NFASC: variants seen among roughly 807,000 people sequenced by gnomAD.
The protein encoded by NFASC is neurofascin homolog.
NFASC carries 43 observed loss-of-function variants against 147.5 expected under a neutral mutation model. The observed-to-expected ratio is 0.29, with a 90% CI of 0.23 to 0.38. The LOEUF is 0.38. Ranked by LOEUF, NFASC falls within the 10% of genes least tolerant of loss-of-function variation. The pLI is 1.00. For missense variants in NFASC, 1,320 were observed against 1,689.0 expected (o/e 0.78, Z 3.83); for synonymous variants, 622 against 665.5 (o/e 0.93, Z 1.01).
chr1:204,938,885 A>G (rs1009242863), intron 2 of NFASC, among the ~76,000 whole-genome samples: 3 of 152,086 alleles, frequency 2.0e-5, no homozygotes, highest in African/African-American at 7.2e-5. Context: ...TGTCCAGGTG[A>G]CTCTGAAAAG....
intron 13 of NFASC, 164 bp from the exon 14 acceptor site, chr1:204,974,493 G>A: frequency 1.1e-6 from 1 of 923,654 alleles, no homozygotes; most frequent in South Asian, 1.4e-5. Context: ...AGGCTTGCCA[G>A]GGCCACCTGG....
chr1:204,832,942 C>T (rs1035039744), intron 1 of NFASC, among the ~76,000 whole-genome samples: 26 of 152,150 alleles, frequency 1.7e-4, no homozygotes, highest in African/African-American at 6.0e-4. Context: ...AGCTAAGGCC[C>T]AGGTCTAGCT....
In NFASC at chr1:204,973,401, G is replaced by T; in HGVS notation, c.1261G>T (p.Ala421Ser). ...SNEHGYLLANAFVSVLDVPPR... is the reference protein window; with the variant it reads ...SNEHGYLLANSFVSVLDVPPR... ...CGAGCATGGCTACCTGCTGGCCAAC[G>T]CCTTTGTCAGTGTGCTGGGTGAGTG... The change falls in exon 12 of 30, where the codon GCC (alanine) becomes TCC (serine). Residue 421 changes from alanine to serine, a missense_variant. Ala to Ser is a moderately conservative substitution (Grantham distance 99). This residue lies in a region of NFASC where 981 missense variants were observed against 1,289.5 expected (regional missense o/e 0.76). Coordinates refer to ENST00000339876, the MANE Select transcript of NFASC (RefSeq NM_001005388.3). The T allele has an allele frequency of 1.2e-6, 2 of 1,614,236 alleles. No individual in the cohort carries two copies. The highest frequency in any genetic ancestry group is 1.7e-6 in the Non-Finnish European group (2 of 1,180,046).
chr1:205,016,179 G>T lies in NFASC; in HGVS notation c.3492-129G>T. On this transcript the variant is annotated intron_variant, in intron 29 of 29. Coordinates refer to ENST00000339876, the MANE Select transcript of NFASC (RefSeq NM_001005388.3). The surrounding 1 kb of genome is among the most constrained non-coding windows in gnomAD (Gnocchi z 5.1). ...CTGCAAAGCAGGCTGGACAGGGGAGGGTGAAGCGGGGGCTGGACTGGGCGG... is the reference window on the plus strand; with the variant it reads ...CTGCAAAGCAGGCTGGACAGGGGAGTGTGAAGCGGGGGCTGGACTGGGCGG... 2 of 702,620 alleles carry T rather than the reference G, an allele frequency of 2.8e-6. No individual in the cohort carries two copies. The highest frequency in any genetic ancestry group is 1.6e-5 in the South Asian group (1 of 61,632). The allele number at this position is 702,620 out of a possible 1,614,324, so 43.5% of individuals were successfully genotyped here.
intron 1 of NFASC, among the ~76,000 whole-genome samples, chr1:204,886,851 T>C (rs2081395684): frequency 6.6e-6 from 1 of 152,170 alleles, no homozygotes; most frequent in Non-Finnish European, 1.5e-5. Context: ...TGACTGTAGG[T>C]TCTTACCATT....
chr1:204,912,186 A>G (rs1318822516), intron 1 of NFASC, among the ~76,000 whole-genome samples: 1 of 150,870 alleles, frequency 6.6e-6, no homozygotes, highest in Non-Finnish European at 1.5e-5. Flanking sequence ...TTGGGGTGGG[A>G]GGCTGGCTCT....
intron 1 of NFASC, among the ~76,000 whole-genome samples, chr1:204,845,348 C>G (rs1343245709): frequency 6.6e-6 from 1 of 151,310 alleles, no homozygotes; most frequent in East Asian, 1.9e-4. Context: ...ATCCCAGCTA[C>G]TTGGGAGGCT....
intron 21 of NFASC, 98 bp downstream of exon 21, chr1:204,982,118 G>A: frequency 1.4e-6 from 1 of 722,334 alleles, no homozygotes; most frequent in Non-Finnish European, 2.2e-6. Flanking sequence ...GGTATGGGAG[G>A]ACAGCCAGTT....
At chr1:205,000,924 C>T in intron 25 of NFASC, 1 of 552,784 alleles carries the variant, frequency 1.8e-6, no homozygotes, top group South Asian at 2.0e-5. Context: ...GTCCTCCCGA[C>T]TGTACCTGCT....
chr1:204,985,470 C>A (rs542360422), intron 21 of NFASC, among the ~76,000 whole-genome samples: 1 of 152,374 alleles, frequency 6.6e-6, no homozygotes, highest in Non-Finnish European at 1.5e-5. Flanking sequence ...TGCCGTCAAT[C>A]TAAACCATAC....
chr1:204,983,320 A>G (rs2095544252), intron 21 of NFASC, among the ~76,000 whole-genome samples: 1 of 152,114 alleles, frequency 6.6e-6, no homozygotes. Flanking sequence ...GGCATCTTCA[A>G]CCTGTGGGTA....
In NFASC at chr1:204,987,598, A is replaced by G. The variant is rs2095642316; in HGVS notation, c.2593+58A>G. On this transcript the variant is annotated intron_variant, in intron 22 of 29. Coordinates refer to ENST00000339876, the MANE Select transcript of NFASC (RefSeq NM_001005388.3). This position sits in a 1 kb window ranked among gnomAD's most constrained non-coding sequence, Gnocchi z 4.4. ...TCTGGGAACCAGAAACCCCATTCTC[A>G]CCACTTTTCCTAAGGACTCAAGGTA... The G allele has an allele frequency of 1.2e-6, 2 of 1,602,504 alleles. No homozygotes were observed. Among genetic ancestry groups the G allele is most frequent in the Non-Finnish European group, 1.7e-6 (2 of 1,171,530 alleles).
At chr1:204,939,971 G>C (rs769563451) in intron 2 of NFASC, among the ~76,000 whole-genome samples, 30 of 152,194 alleles carry the variant, frequency 2.0e-4, no homozygotes, top group Admixed American at 6.5e-5. Context: ...CAGAATGGAT[G>C]GCAGGGGTTG....
At chr1:204,861,593 C>T (rs2076680275) in intron 1 of NFASC, among the ~76,000 whole-genome samples, 2 of 152,140 alleles carry the variant, frequency 1.3e-5, no homozygotes, top group African/African-American at 4.8e-5. Context: ...GGGTTCACGC[C>T]ATTCTCCTGC....
At chr1:204,889,004 G>A (rs1024735594) in intron 1 of NFASC, among the ~76,000 whole-genome samples, 8 of 152,140 alleles carry the variant, frequency 5.3e-5, no homozygotes, top group Non-Finnish European at 1.2e-4. Flanking sequence ...CACCCTGGTT[G>A]GGATGCTTCC....
At chr1:204,972,063 G>A (rs2095274981) in intron 11 of NFASC, among the ~76,000 whole-genome samples, 2 of 152,172 alleles carry the variant, frequency 1.3e-5, no homozygotes, top group Admixed American at 1.3e-4. Context: ...GCCTTCCTTG[G>A]TCCCTTTTCA....
intron 2 of NFASC, among the ~76,000 whole-genome samples, chr1:204,927,919 G>A (rs193141500): frequency 1.3e-5 from 2 of 152,340 alleles, no homozygotes; most frequent in Admixed American, 1.3e-4. Context: ...GGGAGCCAAG[G>A]CAAGTGAGAA....
At position 204,954,426 on chromosome 1, in the gene NFASC, T is replaced by C; in HGVS notation, c.412+42T>C. 1 of 1,585,780 alleles carries C rather than the reference T, an allele frequency of 6.3e-7. No individual in the cohort carries two copies. Among genetic ancestry groups the C allele is most frequent in the South Asian group, 1.1e-5 (1 of 88,744 alleles). On this transcript the variant is annotated intron_variant, in intron 6 of 29. Transcript: ENST00000339876. This position sits in a 1 kb window ranked among gnomAD's most constrained non-coding sequence, Gnocchi z 5.7. ...AGGGCTGAAATGCCCTGCTCCTGGG[T>C]AAATGGAGAGTGGGGGGTGTGGAAG...
rs182584837 is a variant in NFASC, at chr1:204,850,016, G to A, written c.-200+21234G>A. Among the ~76,000 whole-genome samples, 262 of 152,314 alleles carry A rather than the reference G, an allele frequency of 1.7e-3. 1 individual carries two copies. The highest frequency in any genetic ancestry group is 6.0e-3 in the African/African-American group (248 of 41,568). The stretch of plus-strand genomic sequence containing the variant: ...TTCTGTTCAATCCCATGGTGCTGCC[G>A]TTTCCTGCAGTGGGCTCTGGAACCT... On this transcript the variant is annotated intron_variant, in intron 1 of 29. Coordinates refer to ENST00000339876, the MANE Select transcript of NFASC (RefSeq NM_001005388.3).
Sources: gnomAD v4.1 joint callset for allele counts (sites outside exome capture counted in the v4.1 genomes callset) on GRCh38, gnomAD v4.1.1 for gene constraint, gnomAD v4.1.1 regional missense constraint, Gnocchi (gnomAD v3.1) non-coding constraint, MANE v1.5 for transcripts, NCBI Gene and HGNC (gene_info 2026-07-23, HGNC 2026-07-21) for gene names.